Variants in GABRE observed in about 807,000 individuals in gnomAD.
The protein encoded by GABRE is gamma-aminobutyric acid type A receptor subunit epsilon.
GABRE carries 20 observed loss-of-function variants against 31.0 expected under a neutral mutation model. The ratio of observed to expected loss-of-function variants is 0.64; its 90% CI spans 0.45 to 0.94. The LOEUF is 0.94. Ranked by LOEUF, GABRE falls within the 40% of genes least tolerant of loss-of-function variation. The pLI, the probability that GABRE is intolerant of heterozygous loss-of-function variation, is 0.00. For missense variants in GABRE, 420 were observed against 410.7 expected, an observed-to-expected ratio of 1.02 and a Z score of -0.20; for synonymous variants, 155 against 150.6, an observed-to-expected ratio of 1.03 and a Z score of -0.21.
At chrX:151,973,006 G>C (rs1208911000) in intron 1 of GABRE, among the ~76,000 whole-genome samples, 1 of 106,838 alleles carries the variant, frequency 9.4e-6, no homozygotes, top group Non-Finnish European at 1.9e-5. Flanking sequence ...GAAGTGGGGG[G>C]GGGAGGGGCG....
At chrX:151,973,408 C>T (rs1934781166) in intron 1 of GABRE, among the ~76,000 whole-genome samples, 1 of 111,402 alleles carries the variant, frequency 9.0e-6, no homozygotes, top group Admixed American at 9.5e-5. Flanking sequence ...AAATTGCTAG[C>T]ACGCATAGAA....
Position 151,954,354 on chromosome X carries a change from T to G in GABRE, c.*347A>C. 4 of 164,413 alleles carry G rather than the reference T, an allele frequency of 2.4e-5. No individual in the cohort carries two copies. Among genetic ancestry groups the G allele is most frequent in the Non-Finnish European group, 3.5e-5 (3 of 86,805 alleles). The allele number at this position is 164,413 out of a possible 1,213,427, so 13.5% of individuals were successfully genotyped here. A position where few individuals can be genotyped will look rare whatever the true frequency, so the allele number is the denominator to read the frequency against. On this transcript the variant is annotated 3_prime_UTR_variant, in exon 9 of 9. Transcript: ENST00000370328. ...TGCAGTAATTGTCTGGTGGTCAGCA[T>G]TGTTGGAAGATAGCTAATCCGCCTG...
intron 6 of GABRE, chrX:151,957,409 C>G (rs1394753972): frequency 1.8e-5 from 6 of 326,618 alleles, no homozygotes; most frequent in Non-Finnish European, 3.0e-5. Context: ...TCCTCCAGAG[C>G]TGCTGCACGG....
chrX:151,974,595 C>G lies in GABRE; in HGVS notation c.31G>C (p.Gly11Arg). The G allele has an allele frequency of 8.5e-7, 1 of 1,180,453 alleles. No individual in the cohort carries two copies. The highest frequency in any genetic ancestry group is 1.1e-6 in the Non-Finnish European group (1 of 879,400). The change falls in exon 1 of 9, where the codon GGC becomes CGC. Residue 11 changes from glycine (G) to arginine (R), a missense_variant. Gly to Arg is a moderately radical substitution (Grantham distance 125). Coordinates refer to ENST00000370328, the MANE Select transcript of GABRE (RefSeq NM_004961.4). Reference sequence around the variant, plus strand: ...CTCGACTGGAGGATCAATAAGATGCCTAGGAGGACTGGAAGAACTTTGGAC... The same window carrying G: ...CTCGACTGGAGGATCAATAAGATGCGTAGGAGGACTGGAAGAACTTTGGAC... The part of the protein sequence containing the change: MLSKVLPVLL[G>R]ILLILQSRVE...
intron 8 of GABRE, 53 bp downstream of exon 8, chrX:151,955,315 A>G: frequency 1.7e-6 from 2 of 1,208,573 alleles, no homozygotes. Flanking sequence ...TACCCTTGCT[A>G]GCATGTCTCT....
At chrX:151,967,858 G>A (rs1040284536) in intron 3 of GABRE, among the ~76,000 whole-genome samples, 11 of 112,000 alleles carry the variant, frequency 9.8e-5, no homozygotes, top group East Asian at 2.8e-4. Flanking sequence ...ATGTGTAGCC[G>A]GCAGACTCTT....
intron 1 of GABRE, among the ~76,000 whole-genome samples, chrX:151,974,218 CG>C (rs1320339004): frequency 1.8e-5 from 2 of 112,113 alleles, no homozygotes; most frequent in African/African-American, 6.5e-5. Context: ...CCGGTCACCC[CG>C]GGGCCGCTCC....
rs1934066614 is a variant in GABRE at position 151,954,433 on chromosome X, C to G, written c.*268G>C. The G allele has an allele frequency of 3.3e-6, 1 of 301,900 alleles. No homozygotes were observed. Among genetic ancestry groups the G allele is most frequent in the African/African-American group, 2.7e-5 (1 of 37,033 alleles). The allele number at this position is 301,900 out of a possible 1,213,427, so 24.9% of individuals were successfully genotyped here. On this transcript the variant is annotated 3_prime_UTR_variant, in exon 9 of 9. Transcript: ENST00000370328. ...CACTAAGTGGCTGTGGTTTTGAACACTGAGCATCACGGATGCTCCTTGAAG... is the reference window on the plus strand; with the variant it reads ...CACTAAGTGGCTGTGGTTTTGAACAGTGAGCATCACGGATGCTCCTTGAAG...
At chrX:151,957,254 G>C (rs1934201790) in intron 6 of GABRE, 1 of 225,117 alleles carries the variant, frequency 4.4e-6, no homozygotes, top group Non-Finnish European at 8.2e-6. Flanking sequence ...GGCTGGAGCT[G>C]AATGAGAAGA....
At chrX:151,957,594 C>A (rs1934215618) in intron 6 of GABRE, 2 of 265,329 alleles carry the variant, frequency 7.5e-6, no homozygotes, top group Middle Eastern at 6.8e-4. Context: ...TTGGATGATT[C>A]TATTTTAATT....
rs957478462 is a variant in GABRE at position 151,972,293 on chromosome X, T to C, written c.57-1891A>G. 9.3e-6 allele frequency: 7 copies of C among 751,579 alleles called. No homozygotes were observed. The African/African-American group carries it at 1.6e-4, about 18-fold the overall frequency. 61.9% of individuals were successfully genotyped at this position (751,579 alleles called of 1,213,427 possible). A position where few individuals can be genotyped will look rare whatever the true frequency, so the allele number is the denominator to read the frequency against. On this transcript the variant is annotated intron_variant, in intron 1 of 8. Coordinates refer to ENST00000370328, the MANE Select transcript of GABRE (RefSeq NM_004961.4). ...CGAGGGAAGAACTGGGCTTGGAAAA[T>C]ACAGTTTCTACTTTCAAATGCCATA...
chrX:151,967,948 G>A (rs1934572925), intron 3 of GABRE, among the ~76,000 whole-genome samples: 2 of 112,502 alleles, frequency 1.8e-5, no homozygotes, highest in Admixed American at 1.9e-4. Context: ...CTTGACTTGG[G>A]ATGGACCTCA....
At chrX:151,966,549 G>A (rs1047848024) in intron 3 of GABRE, among the ~76,000 whole-genome samples, 10 of 111,914 alleles carry the variant, frequency 8.9e-5, no homozygotes, top group Non-Finnish European at 1.5e-4. Context: ...ATATCCTAAC[G>A]GCAGCTTTGG....
intron 1 of GABRE, among the ~76,000 whole-genome samples, chrX:151,974,228 C>A (rs999665900): frequency 1.8e-5 from 2 of 111,794 alleles, no homozygotes; most frequent in Admixed American, 1.9e-4. Flanking sequence ...CGGGGCCGCT[C>A]CCCTGTTCCT....
chrX:151,954,951 G>A lies in GABRE; in HGVS notation c.1271C>T (p.Ser424Leu). The A allele has an allele frequency of 2.5e-6, 3 of 1,208,131 alleles. No homozygotes were observed. Among genetic ancestry groups the A allele is most frequent in the Non-Finnish European group, 3.4e-6 (3 of 893,668 alleles). Reference sequence around the variant, plus strand: ...ACCTGGGCTAGGGGGCTGCTGGGCTGAGCAAGACGGGCGCTCCTCTCCATC... The same window carrying A: ...ACCTGGGCTAGGGGGCTGCTGGGCTAAGCAAGACGGGCGCTCCTCTCCATC... The part of the protein sequence containing the change: ...GSDGEERPSC[S>L]AQQPPSPGSP... Residue 424 changes from serine to leucine, a missense_variant, in exon 9 of 9, where the codon TCA becomes TTA. By Grantham distance (145) the Ser-to-Leu change is moderately radical (BLOSUM62 -2). Transcript: ENST00000370328.
chrX:151,974,517 G>A, intron 1 of GABRE, 53 bp downstream of exon 1: 1 of 770,357 alleles, frequency 1.3e-6, no homozygotes, highest in Non-Finnish European at 1.8e-6. Flanking sequence ...CCCGGCTCCC[G>A]GGGAGAGGGA....
chrX:151,961,476 G>C (rs1345819422), intron 4 of GABRE, 111 bp from the exon 5 acceptor site: 1 of 514,893 alleles, frequency 1.9e-6, no homozygotes. Context: ...TTTTTTCTTT[G>C]TTTGTTTGAG....
intron 2 of GABRE, 108 bp downstream of exon 2, chrX:151,970,077 C>G: frequency 8.7e-7 from 1 of 1,150,672 alleles, no homozygotes. Context: ...GCAGATGTTC[C>G]TGTCCATGAG....
chrX:151,969,628 C>A (rs764986287), intron 3 of GABRE, 41 bp downstream of exon 3: 1 of 1,177,000 alleles, frequency 8.5e-7, no homozygotes, highest in Non-Finnish European at 1.1e-6. Context: ...ATAGGTCAGC[C>A]CCTGGGCTAG....
Sources: gnomAD v4.1 joint callset for allele counts (sites outside exome capture counted in the v4.1 genomes callset) on GRCh38, gnomAD v4.1.1 for gene constraint, MANE v1.5 for transcripts, NCBI Gene and HGNC (gene_info 2026-07-23, HGNC 2026-07-21) for gene names.